PTPRM: variants seen among roughly 807,000 people sequenced by gnomAD.
The protein encoded by PTPRM is protein tyrosine phosphatase receptor type M.
In PTPRM, 47 loss-of-function variants were observed where a neutral mutation model predicts 186.7. The observed-to-expected ratio is 0.25, with a 90% CI of 0.20 to 0.32. The LOEUF (loss-of-function observed/expected upper bound fraction) is 0.32. PTPRM is among the 10% of genes least tolerant of loss of function. The pLI, the probability that PTPRM is intolerant of heterozygous loss-of-function variation, is 1.00. For missense variants in PTPRM, 1,494 were observed against 1,865.0 expected, an observed-to-expected ratio of 0.80 and a Z score of 3.66; for synonymous variants, 668 against 674.9, an observed-to-expected ratio of 0.99 and a Z score of 0.16.
intron 6 of PTPRM, among the ~76,000 whole-genome samples, chr18:7,949,697 C>G (rs1337951014): frequency 6.6e-6 from 1 of 151,958 alleles, no homozygotes; most frequent in Non-Finnish European, 1.5e-5. Context: ...TGCAAATATT[C>G]ATCAGCCAGC....
At chr18:7,988,593 C>G (rs1326559212) in intron 7 of PTPRM, among the ~76,000 whole-genome samples, 2 of 152,098 alleles carry the variant, frequency 1.3e-5, no homozygotes, top group Non-Finnish European at 2.9e-5. Context: ...TCCCAGACAA[C>G]TTTTATTCTA....
rs1032620846 is a variant in PTPRM, at chr18:7,801,763, G to A, written c.196+27492G>A. On this transcript the variant is annotated intron_variant, in intron 2 of 32. Coordinates refer to ENST00000580170, the MANE Select transcript of PTPRM (RefSeq NM_001105244.2). ...TAGGATGACTGTAGTGTCACTAGGC[G>A]ATAGGAATTTTTCAGCTCCCTTAAA... Among the ~76,000 whole-genome samples, 3 of 152,140 alleles carry A rather than the reference G, an allele frequency of 2.0e-5. No homozygotes were observed. The East Asian group carries it at 5.8e-4, about 29-fold the overall frequency.
intron 1 of PTPRM, among the ~76,000 whole-genome samples, chr18:7,733,708 C>G (rs749807308): frequency 6.6e-6 from 1 of 152,130 alleles, no homozygotes; most frequent in Non-Finnish European, 1.5e-5. Flanking sequence ...CAGAGGGTCC[C>G]TGTAAGCAGG....
intron 20 of PTPRM, among the ~76,000 whole-genome samples, chr18:8,297,479 T>C (rs1372583617): frequency 6.6e-6 from 1 of 152,206 alleles, no homozygotes; most frequent in Non-Finnish European, 1.5e-5. Flanking sequence ...ATGTTTCGTG[T>C]CTATGCTGTC....
chr18:7,820,782 A>T (rs2045145418), intron 2 of PTPRM, among the ~76,000 whole-genome samples: 1 of 152,118 alleles, frequency 6.6e-6, no homozygotes, highest in African/African-American at 2.4e-5. Flanking sequence ...GGCTTCTCTC[A>T]TGGCAGCTGG....
chr18:7,652,966 A>G (rs960416369), intron 1 of PTPRM, among the ~76,000 whole-genome samples: 1 of 152,080 alleles, frequency 6.6e-6, no homozygotes, highest in Non-Finnish European at 1.5e-5. Context: ...AAAATTCAAC[A>G]ATAAGAAAAC....
chr18:7,777,702 T>C (rs1353775148), intron 2 of PTPRM, among the ~76,000 whole-genome samples: 6 of 152,236 alleles, frequency 3.9e-5, no homozygotes, highest in Non-Finnish European at 1.5e-5. Context: ...AACATTGGGC[T>C]ATCAAAATCA....
At chr18:7,576,817 GTAGCTTGAGGTAC>G (rs1349152972) in intron 1 of PTPRM, among the ~76,000 whole-genome samples, 3 of 152,174 alleles carry the variant, frequency 2.0e-5, no homozygotes, top group Non-Finnish European at 2.9e-5. Context: ...CTCTGTTTGA[GTAGCTTGAGGTAC>G]TTTACATCAT....
chr18:8,146,025 C>CT lies in PTPRM; in HGVS notation c.2300+2264dup, dbSNP rs33980345. Among the ~76,000 whole-genome samples the CT allele has an allele frequency of 9.2e-3, 1,011 of 109,834 alleles. 16 individuals carry two copies. The highest frequency in any genetic ancestry group is 0.031 in the African/African-American group (947 of 30,104). 72.1% of individuals were successfully genotyped at this position (109,834 alleles called of 152,430 possible). Reference sequence around the variant, plus strand: ...TCCTGACTTTTTATTTCTTTCTTTTCTTTTTTTTTTTTTTTTTTGAGATGG... The same window carrying CT: ...TCCTGACTTTTTATTTCTTTCTTTTCTTTTTTTTTTTTTTTTTTTGAGATGG... On this transcript the variant is annotated intron_variant, in intron 14 of 32. Coordinates refer to ENST00000580170, the MANE Select transcript of PTPRM (RefSeq NM_001105244.2).
intron 1 of PTPRM, among the ~76,000 whole-genome samples, chr18:7,614,129 A>T (rs1195132505): frequency 6.6e-6 from 1 of 152,218 alleles, no homozygotes; most frequent in Non-Finnish European, 1.5e-5. Context: ...ACCAGAGAAC[A>T]TGTGTTAAAT....
chr18:8,372,721 GAAAA>G (rs5823006), intron 24 of PTPRM, among the ~76,000 whole-genome samples: 409 of 145,750 alleles, frequency 2.8e-3, no homozygotes, highest in African/African-American at 9.9e-3. Flanking sequence ...GGCAGAATTG[GAAAA>G]AAAAAAAAAC....
chr18:7,661,719 G>C (rs1230169120), intron 1 of PTPRM, among the ~76,000 whole-genome samples: 1 of 152,188 alleles, frequency 6.6e-6, no homozygotes, highest in Non-Finnish European at 1.5e-5. Context: ...AAAATGATTT[G>C]CACTGCCAGA....
At chr18:7,671,973 G>T (rs924219992) in intron 1 of PTPRM, among the ~76,000 whole-genome samples, 9 of 152,104 alleles carry the variant, frequency 5.9e-5, no homozygotes, top group African/African-American at 1.9e-4. Context: ...CGTTTCGTAG[G>T]GAAGAATCTC....
chr18:7,919,892 T>C (rs182685296), intron 4 of PTPRM, among the ~76,000 whole-genome samples: 13 of 152,224 alleles, frequency 8.5e-5, no homozygotes, highest in Non-Finnish European at 1.9e-4. Flanking sequence ...GTGTATAATA[T>C]TTATAATTGT....
chr18:7,765,814 A>G (rs536102948), intron 1 of PTPRM, among the ~76,000 whole-genome samples: 75 of 152,334 alleles, frequency 4.9e-4, no homozygotes, highest in Admixed American at 1.1e-3. Flanking sequence ...AAATGGGGTC[A>G]TTCTGTATTT....
At chr18:8,136,154 A>T (rs2092632928) in intron 13 of PTPRM, among the ~76,000 whole-genome samples, 1 of 152,226 alleles carries the variant, frequency 6.6e-6, no homozygotes. Context: ...TCTGAACTAC[A>T]TCACCTTCAA....
chr18:7,974,118 G>A (rs1033172799), intron 7 of PTPRM, among the ~76,000 whole-genome samples: 2 of 152,156 alleles, frequency 1.3e-5, no homozygotes, highest in Non-Finnish European at 2.9e-5. Flanking sequence ...CAGGCAGCAT[G>A]TGACCACAGG....
intron 2 of PTPRM, among the ~76,000 whole-genome samples, chr18:7,779,149 T>C (rs2042734918): frequency 6.6e-6 from 1 of 152,220 alleles, no homozygotes; most frequent in Non-Finnish European, 1.5e-5. Flanking sequence ...CCGTAGCTAT[T>C]TGATACTCAT....
chr18:7,657,627 A>G (rs2144346102), intron 1 of PTPRM, among the ~76,000 whole-genome samples: 1 of 152,348 alleles, frequency 6.6e-6, no homozygotes. Context: ...GTGATTTTGC[A>G]TGAGCTGAGC....
Sources: allele counts gnomAD v4.1 joint callset (sites outside exome capture counted in the v4.1 genomes callset), GRCh38; gene constraint gnomAD v4.1.1; transcripts MANE v1.5; gene names NCBI Gene and HGNC (gene_info 2026-07-23, HGNC 2026-07-21).